Variants in METTL9 observed in about 807,000 individuals in gnomAD.
METTL9 encodes protein-L-histidine N-pros-methyltransferase.
METTL9 carries 10 observed loss-of-function variants against 36.0 expected under a neutral mutation model. The ratio of observed to expected loss-of-function variants is 0.28; its 90% CI spans 0.17 to 0.47. The LOEUF (loss-of-function observed/expected upper bound fraction) is 0.47, where lower values mean the gene tolerates loss of function less well. Ranked by LOEUF, METTL9 falls within the 20% of genes least tolerant of loss-of-function variation. METTL9 has a pLI of 0.99. For missense variants in METTL9, 246 were observed against 383.5 expected (o/e 0.64, Z 3.00); for synonymous variants, 175 against 149.7 (o/e 1.17, Z -1.23).
chr16:21,652,504 TGAA>T lies in METTL9; in HGVS notation c.752-2721_752-2719del, dbSNP rs773112804. ...AAAATAGCAGTTGATTTAAATAAAA[TGAA>T]GGAGGAGAAGAAAAAGAACCTTACC... On this transcript the variant is annotated intron_variant, in intron 4 of 4. Transcript: ENST00000358154. 6 of 1,567,740 alleles carry T rather than the reference TGAA, an allele frequency of 3.8e-6. No individual in the cohort carries two copies. The Admixed American group carries it at 8.7e-5, about 23-fold the overall frequency.
At chr16:21,623,654 G>T (rs1212738678) in intron 3 of METTL9, among the ~76,000 whole-genome samples, 1 of 152,132 alleles carries the variant, frequency 6.6e-6, no homozygotes, top group Non-Finnish European at 1.5e-5. Flanking sequence ...TGTTCTCTGT[G>T]TTCTGTGTAC....
At chr16:21,620,441 C>G (rs1027449119) in intron 3 of METTL9, among the ~76,000 whole-genome samples, 6 of 152,174 alleles carry the variant, frequency 3.9e-5, no homozygotes, top group Admixed American at 3.9e-4. Context: ...ACCTCCCCCC[C>G]TTAAAAAAAT....
chr16:21,615,691 T>C lies in METTL9; in HGVS notation c.357-2174T>C, dbSNP rs78201358. ...GAAAATTTAAGCAAAATAACTATTT[T>C]GTGACTTACTTTTGGTCCTGTGGCA... is the stretch of plus-strand genomic sequence containing the variant. On this transcript the variant is annotated intron_variant, in intron 2 of 4. Transcript: ENST00000358154. 8.8e-3 allele frequency among the ~76,000 whole-genome samples: 1,346 copies of C among 152,300 alleles called. 45 individuals carry two copies. The highest frequency in any genetic ancestry group is 0.083 in the East Asian group (428 of 5,178).
intron 2 of METTL9, among the ~76,000 whole-genome samples, chr16:21,613,842 T>G (rs1445781373): frequency 6.6e-6 from 1 of 151,802 alleles, no homozygotes; most frequent in East Asian, 1.9e-4. Flanking sequence ...TGTTTTTTTT[T>G]TTTTTCAATC....
At chr16:21,608,821 C>G (rs759697123) in intron 1 of METTL9, among the ~76,000 whole-genome samples, 1 of 152,190 alleles carries the variant, frequency 6.6e-6, no homozygotes, top group Non-Finnish European at 1.5e-5. Context: ...ACCAGATTAT[C>G]TTTTCTCTAC....
chr16:21,637,184 T>G (rs1966121183), intron 4 of METTL9, among the ~76,000 whole-genome samples: 1 of 152,194 alleles, frequency 6.6e-6, no homozygotes, highest in African/African-American at 2.4e-5. Flanking sequence ...CCCACCAACA[T>G]CCTGCTGATT....
chr16:21,618,840 A>G (rs1441173198), intron 3 of METTL9, among the ~76,000 whole-genome samples: 1 of 151,974 alleles, frequency 6.6e-6, no homozygotes, highest in African/African-American at 2.4e-5. Flanking sequence ...CAGCCTCCCA[A>G]GTAGCTGGGA....
rs1966731224 is a variant in METTL9 at position 21,657,272 on chromosome 16, G to C, written c.*1840G>C. On this transcript the variant is annotated 3_prime_UTR_variant, in exon 5 of 5. Transcript: ENST00000358154. ...AAAATCTGAAGTTCTCTGAAAACCA[G>C]CTTATTAAAAGTGCTGTTTTGTGGT... 6.6e-6 allele frequency: 1 copy of C among 152,044 alleles called. No individual in the cohort carries two copies. The highest frequency in any genetic ancestry group is 1.5e-5 in the Non-Finnish European group (1 of 68,024). 9.4% of individuals were successfully genotyped at this position (152,044 alleles called of 1,614,324 possible). A position where few individuals can be genotyped will look rare whatever the true frequency, so the allele number is the denominator to read the frequency against.
chr16:21,602,622 C>A (rs1965163535), intron 1 of METTL9, among the ~76,000 whole-genome samples: 1 of 151,620 alleles, frequency 6.6e-6, no homozygotes, highest in Non-Finnish European at 1.5e-5. Flanking sequence ...CATGAAGTTT[C>A]ATTTATGGAA....
chr16:21,597,309 T>C (rs1210595715), upstream of METTL9: 1 of 1,288,024 alleles, frequency 7.8e-7, no homozygotes, highest in Non-Finnish European at 1.0e-6. Flanking sequence ...AGGTCAGCTA[T>C]TGAATTTACT....
rs112260868 is a variant in METTL9 at position 21,601,947 on chromosome 16, G to A, written c.165+2049G>A. Among the ~76,000 whole-genome samples, 836 of 152,260 alleles carry A rather than the reference G, an allele frequency of 5.5e-3. 7 individuals are homozygous for A. The highest frequency in any genetic ancestry group is 9.0e-3 in the Non-Finnish European group (615 of 68,016). ...TGAATAAAGATTAAAAGGAACAGAAGAAAGGTGTGTAGAAACCACCATGAG... is the reference window on the plus strand; with the variant it reads ...TGAATAAAGATTAAAAGGAACAGAAAAAAGGTGTGTAGAAACCACCATGAG... On this transcript the variant is annotated intron_variant, in intron 1 of 4. Coordinates refer to ENST00000358154, the MANE Select transcript of METTL9 (RefSeq NM_016025.5).
Position 21,649,272 on chromosome 16 carries a change from T to C in METTL9, c.752-5955T>C, listed in dbSNP as rs529370380. ...CCTTCCAAAGTGCTGGGATTACAGG[T>C]GTGAGCCACTGCGCCTTGCTCTCTT... On this transcript the variant is annotated intron_variant, in intron 4 of 4. Coordinates refer to ENST00000358154, the MANE Select transcript of METTL9 (RefSeq NM_016025.5). Among the ~76,000 whole-genome samples, 5 of 152,222 alleles carry C rather than the reference T, an allele frequency of 3.3e-5. No homozygotes were observed. In the South Asian group the frequency reaches 1.0e-3, roughly 32 times the overall value.
chr16:21,646,176 T>C (rs1171458433), intron 4 of METTL9, among the ~76,000 whole-genome samples: 1 of 151,606 alleles, frequency 6.6e-6, no homozygotes, highest in Non-Finnish European at 1.5e-5. Flanking sequence ...TTCTCGGGAA[T>C]GTCTTAATCT....
At chr16:21,650,305 G>A (rs1337144823) in intron 4 of METTL9, among the ~76,000 whole-genome samples, 2 of 152,108 alleles carry the variant, frequency 1.3e-5, no homozygotes, top group Non-Finnish European at 2.9e-5. Flanking sequence ...TCAGGCGTTC[G>A]AGACTAGCCT....
Position 21,599,924 on chromosome 16 carries a change from CG to C in METTL9, c.165+31del, listed in dbSNP as rs1285104180. 5 of 1,308,724 alleles carry C rather than the reference CG, an allele frequency of 3.8e-6. No homozygotes were observed. The highest frequency in any genetic ancestry group is 8.4e-5 in the Admixed American group (2 of 23,724). 81.1% of individuals were successfully genotyped at this position (1,308,724 alleles called of 1,614,324 possible). On this transcript the variant is annotated intron_variant, in intron 1 of 4. Transcript: ENST00000358154. This position sits in a 1 kb window ranked among gnomAD's most constrained non-coding sequence, Gnocchi z 4.4. ...GTACGGGCTGGGGCCGGGGCCGGGG[CG>C]GGGGCGTGGCGGCCCGGCCTTCCCG...
At chr16:21,599,483 C>T (rs1478461), upstream of METTL9, 789,155 of 1,186,936 alleles carry the variant, frequency 0.66, 264,119 homozygotes, top group African/African-American at 0.77. This position sits in a 1 kb window ranked among gnomAD's most constrained non-coding sequence, Gnocchi z 4.4. Context: ...CGCGGCCGCT[C>T]GTAAGTGCTC....
chr16:21,601,015 A>G (rs1965110899), intron 1 of METTL9, among the ~76,000 whole-genome samples: 1 of 152,202 alleles, frequency 6.6e-6, no homozygotes, highest in Non-Finnish European at 1.5e-5. Flanking sequence ...TTGTCTAAGA[A>G]GGAGATAGAG....
At position 21,612,781 on chromosome 16, in the gene METTL9, A is replaced by G. The variant is rs1478300603; in HGVS notation, c.302A>G (p.His101Arg). 3 of 1,612,760 alleles carry G rather than the reference A, an allele frequency of 1.9e-6. No homozygotes were observed. Among genetic ancestry groups the G allele is most frequent in the Non-Finnish European group, 2.5e-6 (3 of 1,179,592 alleles). ...GGCTGGCTATTTATCCAATTATATC[A>G]TTCTTTTGTGTCATCTGTTTTTAGC... ...KSGWLFIQLY[H>R]SFVSSVFSLF... Residue 101 changes from histidine (H) to arginine (R), a missense_variant, in exon 2 of 5, where the codon CAT (histidine) becomes CGT (arginine). By Grantham distance (29) the His-to-Arg change is conservative. Around this residue, in one of 2 missense-constraint regions of METTL9, gnomAD observed 146 missense variants for 302.1 expected, o/e 0.48. Transcript: ENST00000358154.
intron 1 of METTL9, among the ~76,000 whole-genome samples, chr16:21,603,383 C>G (rs1965188342): frequency 6.6e-6 from 1 of 152,068 alleles, no homozygotes. Flanking sequence ...AAGTGATCTT[C>G]CCACATCGGC....
Sources: allele counts gnomAD v4.1 joint callset (sites outside exome capture counted in the v4.1 genomes callset), GRCh38; gene constraint gnomAD v4.1.1; regional missense constraint gnomAD v4.1.1; non-coding constraint Gnocchi (gnomAD v3.1); transcripts MANE v1.5; gene names NCBI Gene and HGNC (gene_info 2026-07-23, HGNC 2026-07-21).